CSMD3: variants seen among roughly 807,000 people sequenced by gnomAD.
The protein encoded by CSMD3 is CUB and Sushi multiple domains 3, also known as CUB and sushi domain-containing protein 3.
Under a neutral mutation model 435.2 loss-of-function variants are expected in CSMD3, and 177 were observed. The observed-to-expected ratio is 0.41, with a 90% CI of 0.36 to 0.46. The LOEUF is 0.46. Among genes scored for constraint, CSMD3 ranks in the 20% least tolerant of loss-of-function variants. CSMD3 has a pLI of 0.34. For missense variants in CSMD3, 4,265 were observed against 4,504.6 expected (o/e 0.95, Z 1.52); for synonymous variants, 1,656 against 1,520.5 (o/e 1.09, Z -2.07).
intron 5 of CSMD3, among the ~76,000 whole-genome samples, chr8:113,091,424 T>A (rs1241891963): frequency 6.6e-6 from 1 of 152,128 alleles, no homozygotes; most frequent in Non-Finnish European, 1.5e-5. Context: ...TGGAAAACTT[T>A]TTATTATATC....
At chr8:112,366,816 T>C (rs950972008) in intron 38 of CSMD3, among the ~76,000 whole-genome samples, 3 of 152,194 alleles carry the variant, frequency 2.0e-5, no homozygotes, top group African/African-American at 7.2e-5. Context: ...AAAGATGGCA[T>C]TGACATGGTT....
chr8:113,177,768 CT>C (rs2131910603), intron 3 of CSMD3, among the ~76,000 whole-genome samples: 1 of 152,012 alleles, frequency 6.6e-6, no homozygotes, highest in South Asian at 2.1e-4. Flanking sequence ...TAAAATCCAT[CT>C]GGTTTTGGCT....
intron 22 of CSMD3, among the ~76,000 whole-genome samples, chr8:112,623,786 T>C (rs772299987): frequency 2.0e-5 from 3 of 152,002 alleles, no homozygotes; most frequent in Non-Finnish European, 4.4e-5. Flanking sequence ...AATCCATCAT[T>C]TGTCTTAAAG....
At chr8:113,052,780 AG>A (rs1420178057) in intron 5 of CSMD3, among the ~76,000 whole-genome samples, 1 of 152,192 alleles carries the variant, frequency 6.6e-6, no homozygotes, top group Non-Finnish European at 1.5e-5. Flanking sequence ...TCTCTTAAAA[AG>A]ATAATAGTGA....
At chr8:113,406,330 C>T (rs577908366) in intron 1 of CSMD3, among the ~76,000 whole-genome samples, 7 of 151,730 alleles carry the variant, frequency 4.6e-5, no homozygotes, top group Non-Finnish European at 8.8e-5. Flanking sequence ...AGAGGTAACA[C>T]TAATTTTATC....
intron 5 of CSMD3, among the ~76,000 whole-genome samples, chr8:113,095,373 CTTAT>C (rs1243050076): frequency 1.3e-5 from 2 of 152,274 alleles, no homozygotes; most frequent in African/African-American, 4.8e-5. Flanking sequence ...CCCTGAACAA[CTTAT>C]TTATAGTAAT....
intron 13 of CSMD3, among the ~76,000 whole-genome samples, chr8:112,748,178 T>C (rs2077484434): frequency 6.6e-6 from 1 of 151,980 alleles, no homozygotes; most frequent in Non-Finnish European, 1.5e-5. Context: ...GGAGAAGAGA[T>C]AGAAAATCTG....
intron 1 of CSMD3, among the ~76,000 whole-genome samples, chr8:113,363,369 T>G (rs933013517): frequency 3.9e-5 from 6 of 152,212 alleles, no homozygotes; most frequent in South Asian, 4.1e-4. Context: ...TTTAATTCTT[T>G]TAATGGTATC....
At chr8:112,319,507 T>C (rs546976402) in intron 46 of CSMD3, among the ~76,000 whole-genome samples, 3 of 152,260 alleles carry the variant, frequency 2.0e-5, no homozygotes, top group East Asian at 3.9e-4. Flanking sequence ...TTCCAAGATA[T>C]GGAAATGAAA....
At chr8:112,422,521 C>T (rs954898577) in intron 32 of CSMD3, among the ~76,000 whole-genome samples, 1 of 152,132 alleles carries the variant, frequency 6.6e-6, no homozygotes, top group Non-Finnish European at 1.5e-5. Context: ...TTTCTACAAA[C>T]CCAGATTTGA....
At chr8:113,300,077 C>T (rs1007107997) in intron 2 of CSMD3, among the ~76,000 whole-genome samples, 1 of 148,964 alleles carries the variant, frequency 6.7e-6, no homozygotes, top group Non-Finnish European at 1.5e-5. Flanking sequence ...CTGTTTGAAC[C>T]CAGGAGGCGG....
At chr8:112,630,812 C>A (rs1163995279) in intron 22 of CSMD3, among the ~76,000 whole-genome samples, 1 of 152,010 alleles carries the variant, frequency 6.6e-6, no homozygotes, top group Non-Finnish European at 1.5e-5. Context: ...TCTGTCTTAG[C>A]AGTGTAAAGT....
At chr8:112,854,439 C>T (rs1214438768) in intron 11 of CSMD3, among the ~76,000 whole-genome samples, 2 of 152,086 alleles carry the variant, frequency 1.3e-5, no homozygotes, top group East Asian at 1.9e-4. Context: ...TCCAAGACTA[C>T]AAGGACAATG....
At chr8:113,376,826 T>C (rs1304406559) in intron 1 of CSMD3, 2 of 1,613,684 alleles carry the variant, frequency 1.2e-6, no homozygotes, top group South Asian at 1.1e-5. Flanking sequence ...AGGTTGTTTA[T>C]GAGTCGCAAC....
intron 13 of CSMD3, among the ~76,000 whole-genome samples, chr8:112,750,990 G>A (rs1185813473): frequency 6.6e-6 from 1 of 151,494 alleles, no homozygotes; most frequent in Non-Finnish European, 1.5e-5. Context: ...CAGGACTTAA[G>A]TATGCATGGA....
chr8:112,975,192 C>T (rs1365759950), intron 7 of CSMD3, among the ~76,000 whole-genome samples: 1 of 151,696 alleles, frequency 6.6e-6, no homozygotes, highest in Non-Finnish European at 1.5e-5. Context: ...TCATTTTTCT[C>T]TAAAAATAAA....
intron 5 of CSMD3, among the ~76,000 whole-genome samples, chr8:113,086,896 T>G (rs979226182): frequency 6.6e-5 from 10 of 152,248 alleles, no homozygotes; most frequent in African/African-American, 2.4e-4. Context: ...AAAAATTTAA[T>G]ATATGTGGCT....
intron 7 of CSMD3, among the ~76,000 whole-genome samples, chr8:112,963,663 C>T (rs2084315395): frequency 6.6e-6 from 1 of 151,676 alleles, no homozygotes; most frequent in South Asian, 2.1e-4. Flanking sequence ...AGTAGATAAA[C>T]AAAATTTAAA....
At chr8:112,487,556 G>A (rs1586485670) in intron 31 of CSMD3, among the ~76,000 whole-genome samples, 2 of 152,138 alleles carry the variant, frequency 1.3e-5, no homozygotes, top group African/African-American at 4.8e-5. Flanking sequence ...GATTTGGGAA[G>A]CCATTGGTGG....
Sources: gnomAD v4.1 joint callset for allele counts (sites outside exome capture counted in the v4.1 genomes callset) on GRCh38, gnomAD v4.1.1 for gene constraint, MANE v1.5 for transcripts, NCBI Gene and HGNC (gene_info 2026-07-23, HGNC 2026-07-21) for gene names.